The following ARID4A variants were observed in gnomAD, a reference collection of about 807,000 sequenced individuals.
ARID4A encodes the protein AT-rich interaction domain 4A, also known as AT-rich interactive domain-containing protein 4A.
Under a neutral mutation model 148.6 loss-of-function variants are expected in ARID4A, and 39 were observed. The observed-to-expected ratio is 0.26, with a 90% confidence interval of 0.20 to 0.34. ARID4A has a LOEUF of 0.34. ARID4A is among the 10% of genes least tolerant of loss of function. The pLI is 1.00. For missense variants in ARID4A, 1,265 were observed against 1,449.1 expected (o/e 0.87, Z 2.06); for synonymous variants, 475 against 481.2 (o/e 0.99, Z 0.17).
chr14:58,353,894 C>T (rs1267947758), intron 17 of ARID4A, 39 bp downstream of exon 17: 13 of 1,549,410 alleles, frequency 8.4e-6, no homozygotes, highest in African/African-American at 4.1e-5. Context: ...GAAATTTTTT[C>T]GATGATTAAA....
intron 12 of ARID4A, among the ~76,000 whole-genome samples, chr14:58,345,392 C>G (rs1415850110): frequency 6.6e-6 from 1 of 152,164 alleles, no homozygotes; most frequent in Non-Finnish European, 1.5e-5. Flanking sequence ...CCACTAATTA[C>G]TAATGCTATA....
chr14:58,353,965 A>G lies in ARID4A; in HGVS notation c.1853+110A>G, dbSNP rs372791011. On this transcript the variant is annotated intron_variant, in intron 17 of 23. Coordinates refer to ENST00000355431, the MANE Select transcript of ARID4A (RefSeq NM_002892.4). ...AAATAATGGTACATATTTACAAAGC[A>G]CACCTTGGTTCTGAATTTTCCAAGA... 1.1e-5 allele frequency: 11 copies of G among 991,468 alleles called. 1 individual carries two copies. The highest frequency in any genetic ancestry group is 5.1e-5 in the East Asian group (2 of 39,322). The allele number at this position is 991,468 out of a possible 1,614,324, so 61.4% of individuals were successfully genotyped here.
At chr14:58,300,001 G>A in intron 2 of ARID4A, 141 bp downstream of exon 2, 1 of 1,195,998 alleles carries the variant, frequency 8.4e-7, no homozygotes, top group Non-Finnish European at 1.2e-6. Context: ...AGGATGTGTT[G>A]AATGGGTGAA....
intron 12 of ARID4A, among the ~76,000 whole-genome samples, chr14:58,345,719 C>CTTTTTTTTT (rs869137059): frequency 2.6e-5 from 2 of 75,874 alleles, no homozygotes; most frequent in African/African-American, 5.9e-5. Context: ...TATGCCTAAA[C>CTTTTTTTTT]TTTTTTTTTT....
chr14:58,311,843 A>G (rs376367982), intron 5 of ARID4A, among the ~76,000 whole-genome samples: 1 of 151,848 alleles, frequency 6.6e-6, no homozygotes, highest in East Asian at 1.9e-4. Context: ...GCACAGGAAG[A>G]CAAATACCAT....
At chr14:58,320,083 A>G (rs2032763940) in intron 7 of ARID4A, among the ~76,000 whole-genome samples, 1 of 150,530 alleles carries the variant, frequency 6.6e-6, no homozygotes, top group African/African-American at 2.4e-5. Context: ...GAGTAGTCAG[A>G]ACTACAGGCG....
chr14:58,311,582 C>G (rs1232867166), intron 5 of ARID4A, among the ~76,000 whole-genome samples: 1 of 152,174 alleles, frequency 6.6e-6, no homozygotes, highest in Non-Finnish European at 1.5e-5. Context: ...CAATCCCACT[C>G]CTGGGTATAT....
intron 11 of ARID4A, among the ~76,000 whole-genome samples, chr14:58,338,416 C>T (rs1042120198): frequency 6.6e-6 from 1 of 152,182 alleles, no homozygotes; most frequent in African/African-American, 2.4e-5. Context: ...TCAGAGCTGC[C>T]ACTTCTGATG....
At chr14:58,346,917 G>T (rs1227856229) in intron 13 of ARID4A, 103 bp from the exon 14 acceptor site, 2 of 390,192 alleles carry the variant, frequency 5.1e-6, no homozygotes, top group Non-Finnish European at 7.5e-6. Flanking sequence ...GACAGAGTGA[G>T]ACCCTGTCTC....
intron 17 of ARID4A, among the ~76,000 whole-genome samples, chr14:58,357,369 A>AT: frequency 6.6e-6 from 1 of 152,342 alleles, no homozygotes; most frequent in East Asian, 1.9e-4. Flanking sequence ...TCATGGTACC[A>AT]TGTCAACTGA....
rs2031494601 is a variant in ARID4A, at chr14:58,305,047, T to C, written c.183+38T>C. 6 of 1,482,008 alleles carry C rather than the reference T, an allele frequency of 4.0e-6. No homozygotes were observed. In the African/African-American group the frequency reaches 8.5e-5, roughly 21 times the overall value. The allele number at this position is 1,482,008 out of a possible 1,614,324, so 91.8% of individuals were successfully genotyped here. The stretch of plus-strand genomic sequence containing the variant: ...TACGGTTTAAAATCTGAAATAATCA[T>C]AGATTTATACCATATTTACTGAATT... On this transcript the variant is annotated intron_variant, in intron 4 of 23. Coordinates refer to ENST00000355431, the MANE Select transcript of ARID4A (RefSeq NM_002892.4).
rs780716164 is a variant in ARID4A, at chr14:58,359,210, A to C, written c.1932A>C (p.Lys644Asn). 1 of 1,594,100 alleles carries C rather than the reference A, an allele frequency of 6.3e-7. No individual in the cohort carries two copies. Among genetic ancestry groups the C allele is most frequent in the East Asian group, 2.2e-5 (1 of 44,754 alleles). ...GACCAAAGAAAAAACAGAAGAAAAA[A>C]GCTAAAGTATGTTTGTAGATTTATG... ...KGGPKKKQKK[K>N]AKNKEDSEKD... is the part of the protein sequence containing the mutation. Residue 644 changes from lysine to asparagine, a missense_variant, in exon 18 of 24, where the codon AAA becomes AAC. Coordinates refer to ENST00000355431, the MANE Select transcript of ARID4A (RefSeq NM_002892.4).
intron 11 of ARID4A, among the ~76,000 whole-genome samples, chr14:58,342,648 C>T (rs975618294): frequency 6.6e-6 from 1 of 152,170 alleles, no homozygotes; most frequent in Non-Finnish European, 1.5e-5. Context: ...TATAGTGGCT[C>T]ACACCTGTAA....
intron 4 of ARID4A, 28 bp from the exon 5 acceptor site, chr14:58,305,994 G>T (rs751369809): frequency 6.4e-7 from 1 of 1,560,994 alleles, no homozygotes; most frequent in Admixed American, 1.7e-5. Context: ...TTTAAATTTG[G>T]TAAGGAAATT....
At chr14:58,299,962 T>C (rs2030997867) in intron 2 of ARID4A, 102 bp downstream of exon 2, 2 of 1,519,258 alleles carry the variant, frequency 1.3e-6, no homozygotes, top group East Asian at 4.5e-5. Context: ...AAAATTGATG[T>C]TCCTACTGAT....
chr14:58,323,464 T>C (rs570701333), intron 7 of ARID4A, 21 bp from the exon 8 acceptor site: 1 of 1,596,378 alleles, frequency 6.3e-7, no homozygotes, highest in South Asian at 1.1e-5. Context: ...AGGATAATGA[T>C]CAAGTTATTC....
In ARID4A at chr14:58,306,170, T is replaced by G. The variant is rs2031582892; in HGVS notation, c.274+58T>G. On this transcript the variant is annotated intron_variant, in intron 5 of 23. Transcript: ENST00000355431. ...TTTGGAGGTTGCATGTATCTGTGTTTTGTGGATACACTGAATCATTGTGTT... is the reference window on the plus strand; with the variant it reads ...TTTGGAGGTTGCATGTATCTGTGTTGTGTGGATACACTGAATCATTGTGTT... The G allele has an allele frequency of 4.2e-6, 5 of 1,181,814 alleles. No individual in the cohort carries two copies. In the South Asian group the frequency reaches 6.1e-5, roughly 14 times the overall value. The allele number at this position is 1,181,814 out of a possible 1,614,324, so 73.2% of individuals were successfully genotyped here.
chr14:58,348,664 CAAAG>C (rs944480522), intron 15 of ARID4A, among the ~76,000 whole-genome samples: 1 of 152,076 alleles, frequency 6.6e-6, no homozygotes, highest in African/African-American at 2.4e-5. Context: ...ACCACACTAT[CAAAG>C]AAGTTTAATT....
chr14:58,345,701 T>C (rs947666979), intron 12 of ARID4A, among the ~76,000 whole-genome samples: 24 of 151,124 alleles, frequency 1.6e-4, no homozygotes, highest in Admixed American at 6.6e-5. Context: ...TTTTCTGTTG[T>C]GTTTGTTTAT....
Sources: allele counts gnomAD v4.1 joint callset (sites outside exome capture counted in the v4.1 genomes callset), GRCh38; gene constraint gnomAD v4.1.1; transcripts MANE v1.5; gene names NCBI Gene and HGNC (gene_info 2026-07-23, HGNC 2026-07-21).